The following WRN variants were observed in gnomAD, a reference collection of about 807,000 sequenced individuals.
WRN encodes WRN RecQ like helicase.
A neutral mutation model predicts 180.7 loss-of-function variants in WRN; 149 were observed. The observed-to-expected ratio is 0.82, with a 90% CI of 0.72 to 0.94. The LOEUF (loss-of-function observed/expected upper bound fraction) is 0.94, where lower values mean the gene tolerates loss of function less well. WRN is among the 40% of genes least tolerant of loss of function. The pLI, the probability that WRN is intolerant of heterozygous loss-of-function variation, is 0.00. For synonymous variants in WRN, 548 were observed against 568.9 expected (o/e 0.96, Z 0.52); for missense variants, 1,661 against 1,700.1 (o/e 0.98, Z 0.40).
intron 31 of WRN, among the ~76,000 whole-genome samples, chr8:31,153,351 T>C (rs1285389413): frequency 6.6e-6 from 1 of 152,100 alleles, no homozygotes; most frequent in Non-Finnish European, 1.5e-5. Context: ...GGTGTTGCCA[T>C]AGTGGGGTGA....
chr8:31,162,136 G>A (rs1330280027), intron 33 of WRN, among the ~76,000 whole-genome samples: 4 of 151,210 alleles, frequency 2.6e-5, no homozygotes, highest in African/African-American at 9.9e-5. Flanking sequence ...TTAGCTTACT[G>A]TAATGATTCT....
rs370253199 is a variant in WRN at position 31,157,520 on chromosome 8, C to T, written c.3972C>T (p.Pro1324=). The change falls in exon 33 of 35, where the codon CCC becomes CCT. Residue 1324 remains proline (P), a synonymous_variant. Transcript: ENST00000298139. ...KIIADVIRNP[P]VNSDMSKISL... ...TTGCTGATGTTATCCGAAACCCTCCCGTCAACTCAGGTGAGAGGCATGGCC... is the reference window on the plus strand; with the variant it reads ...TTGCTGATGTTATCCGAAACCCTCCTGTCAACTCAGGTGAGAGGCATGGCC... The T allele has an allele frequency of 4.8e-5, 78 of 1,614,056 alleles. No homozygotes were observed. The highest frequency in any genetic ancestry group is 3.3e-4 in the East Asian group (15 of 44,872).
At chr8:31,121,061 G>A (rs1801707222) in intron 21 of WRN, among the ~76,000 whole-genome samples, 1 of 151,946 alleles carries the variant, frequency 6.6e-6, no homozygotes, top group Non-Finnish European at 1.5e-5. Context: ...CAAGTAGTTT[G>A]TTGGCACTTA....
rs1060503821 is a variant in WRN at position 31,076,164 on chromosome 8, T to C, written c.725-9T>C. On this transcript the variant is annotated splice_polypyrimidine_tract_variant and intron_variant, in intron 7 of 34. Coordinates refer to ENST00000298139, the MANE Select transcript of WRN (RefSeq NM_000553.6). ...TTTGAAAATTAATATTGATTTTTTT[T>C]CCCCCTAGAGGAAGAAATCCTACTT... 4.4e-6 allele frequency: 7 copies of C among 1,603,346 alleles called. No individual in the cohort carries two copies. The highest frequency in any genetic ancestry group is 2.2e-5 in the South Asian group (2 of 90,828).
At chr8:31,085,043 A>G (rs1813473157) in intron 10 of WRN, 123 bp from the exon 11 acceptor site, 1 of 680,790 alleles carries the variant, frequency 1.5e-6, no homozygotes, top group African/African-American at 1.8e-5. Flanking sequence ...AATATATATT[A>G]TATATCCATT....
intron 24 of WRN, among the ~76,000 whole-genome samples, chr8:31,140,875 C>T (rs972344564): frequency 6.6e-6 from 1 of 152,152 alleles, no homozygotes. Context: ...CCTGCCTCAG[C>T]CTCCCGAGCA....
chr8:31,093,129 G>A (rs1028457883), intron 16 of WRN, among the ~76,000 whole-genome samples: 2 of 152,060 alleles, frequency 1.3e-5, no homozygotes, highest in Non-Finnish European at 2.9e-5. Context: ...TGTAGAGACA[G>A]GATCTTGCTT....
intron 9 of WRN, among the ~76,000 whole-genome samples, chr8:31,082,102 A>G (rs1391545158): frequency 1.3e-5 from 2 of 150,770 alleles, no homozygotes; most frequent in Non-Finnish European, 3.0e-5. Flanking sequence ...TTTCTAATAA[A>G]CTCCTGATGC....
intron 28 of WRN, among the ~76,000 whole-genome samples, chr8:31,145,223 C>T (rs760295986): frequency 6.6e-6 from 1 of 152,222 alleles, no homozygotes; most frequent in African/African-American, 2.4e-5. Flanking sequence ...CTAGTACTTT[C>T]ATAGCTAGAG....
At chr8:31,100,555 A>G (rs1014808842) in intron 17 of WRN, among the ~76,000 whole-genome samples, 1 of 152,224 alleles carries the variant, frequency 6.6e-6, no homozygotes, top group African/African-American at 2.4e-5. Flanking sequence ...AAGTCACAGT[A>G]AGCAATTCAT....
At position 31,087,638 on chromosome 8, in the gene WRN, TC is replaced by T. The variant is rs1426180617; in HGVS notation, c.1432-137del. ...CATATTTAAACCGGAGCACACATGTTCTTTTGTAGTATGGCTTGCACATCTG... is the reference window on the plus strand; with the variant it reads ...CATATTTAAACCGGAGCACACATGTTTTTTGTAGTATGGCTTGCACATCTG... On this transcript the variant is annotated intron_variant, in intron 11 of 34. Transcript: ENST00000298139. 30 of 803,570 alleles carry T rather than the reference TC, an allele frequency of 3.7e-5. No homozygotes were observed. The East Asian group carries it at 7.7e-4, about 21-fold the overall frequency. 49.8% of individuals were successfully genotyped at this position (803,570 alleles called of 1,614,324 possible).
intron 11 of WRN, among the ~76,000 whole-genome samples, chr8:31,086,028 G>A (rs1813516665): frequency 6.6e-6 from 1 of 151,912 alleles, no homozygotes; most frequent in African/African-American, 2.4e-5. Flanking sequence ...GAAAATACTA[G>A]TTTATAATTT....
intron 33 of WRN, among the ~76,000 whole-genome samples, chr8:31,162,451 GATAACA>G: frequency 6.6e-6 from 1 of 152,122 alleles, no homozygotes; most frequent in African/African-American, 2.4e-5. Flanking sequence ...CATCTCCTGT[GATAACA>G]ATGCCTTCTT....
chr8:31,148,686 A>T (rs1295196676), intron 30 of WRN, among the ~76,000 whole-genome samples: 2 of 152,194 alleles, frequency 1.3e-5, no homozygotes, highest in African/African-American at 4.8e-5. Flanking sequence ...GTCTTTCATG[A>T]TCTTATCAGC....
intron 1 of WRN, among the ~76,000 whole-genome samples, chr8:31,037,460 AG>A (rs531990695): frequency 9.8e-5 from 15 of 152,332 alleles, no homozygotes; most frequent in South Asian, 4.1e-4. Context: ...GGGAACCTCT[AG>A]CCCTGACCAA....
intron 24 of WRN, among the ~76,000 whole-genome samples, chr8:31,137,865 G>C (rs574428620): frequency 2.7e-4 from 41 of 152,178 alleles, no homozygotes; most frequent in Admixed American, 2.7e-3. Flanking sequence ...TTGGGAGACC[G>C]AGGCACGAGG....
chr8:31,088,460 C>A (rs972683431), intron 12 of WRN, among the ~76,000 whole-genome samples: 6 of 152,134 alleles, frequency 3.9e-5, no homozygotes, highest in African/African-American at 1.4e-4. Context: ...GGTGTAACTA[C>A]ATTTAGCTTT....
intron 17 of WRN, among the ~76,000 whole-genome samples, chr8:31,099,256 T>C (rs551375665): frequency 1.3e-5 from 2 of 151,902 alleles, no homozygotes; most frequent in East Asian, 1.9e-4. Flanking sequence ...AAGAAAAAAT[T>C]AGCCGGGCAT....
chr8:31,111,522 G>A lies in WRN; in HGVS notation c.2089-93G>A. ...TGTCTTTAACATTGTACCACAAACT[G>A]TTGTCCTACCAGTCTCTTTGTAAGA... On this transcript the variant is annotated intron_variant, in intron 18 of 34. Coordinates refer to ENST00000298139, the MANE Select transcript of WRN (RefSeq NM_000553.6). 2.0e-6 allele frequency: 3 copies of A among 1,466,446 alleles called. 1 individual carries two copies. Among genetic ancestry groups the A allele is most frequent in the South Asian group, 2.3e-5 (2 of 85,310 alleles). 90.8% of individuals were successfully genotyped at this position (1,466,446 alleles called of 1,614,324 possible). A position where few individuals can be genotyped will look rare whatever the true frequency, so the allele number is the denominator to read the frequency against.
Sources: gnomAD v4.1 joint callset for allele counts (sites outside exome capture counted in the v4.1 genomes callset) on GRCh38, gnomAD v4.1.1 for gene constraint, MANE v1.5 for transcripts, NCBI Gene and HGNC (gene_info 2026-07-23, HGNC 2026-07-21) for gene names.